Variants in PCDHGA11 observed in about 807,000 individuals in gnomAD.
PCDHGA11 encodes the protein protocadherin gamma-A11.
A neutral mutation model predicts 60.4 loss-of-function variants in PCDHGA11; 39 were observed. The ratio of observed to expected loss-of-function variants is 0.65; its 90% confidence interval spans 0.50 to 0.84. PCDHGA11 has a LOEUF of 0.84. Among genes scored for constraint, PCDHGA11 ranks in the 40% least tolerant of loss-of-function variants. The pLI is 0.00. For missense variants in PCDHGA11, 1,165 were observed against 1,197.7 expected (o/e 0.97, Z 0.40); for synonymous variants, 533 against 510.3 (o/e 1.04, Z -0.60).
intron 1 of PCDHGA11, among the ~76,000 whole-genome samples, chr5:141,488,351 C>G (rs1467834410): frequency 6.6e-6 from 1 of 152,132 alleles, no homozygotes; most frequent in African/African-American, 2.4e-5. Context: ...AAACAGCCAC[C>G]CTGTGCATCT....
chr5:141,494,194 G>A (rs1446357035), intron 1 of PCDHGA11, among the ~76,000 whole-genome samples: 2 of 152,182 alleles, frequency 1.3e-5, no homozygotes, highest in Non-Finnish European at 2.9e-5. Flanking sequence ...GGACTTGGAT[G>A]CCCCGCAAAG....
At position 141,422,201 on chromosome 5, in the gene PCDHGA11, G is replaced by T. The variant is rs764621323; in HGVS notation, c.974G>T (p.Gly325Val). The T allele has an allele frequency of 1.9e-6, 3 of 1,562,386 alleles. No individual in the cohort carries two copies. Among genetic ancestry groups the T allele is most frequent in the Admixed American group, 2.0e-5 (1 of 49,610 alleles). ...GAGATGGAAATTCAAGGCCAAGATGGTGGAGGTCTCTTTACCACCACGACG... is the reference window on the plus strand; with the variant it reads ...GAGATGGAAATTCAAGGCCAAGATGTTGGAGGTCTCTTTACCACCACGACG... ...FYEMEIQGQD[G>V]GGLFTTTTML... The change falls in exon 1 of 4, where the codon GGT becomes GTT. Residue 325 changes from glycine (G) to valine (V), a missense_variant. Transcript: ENST00000398587.
chr5:141,422,942 G>C lies in PCDHGA11; in HGVS notation c.1715G>C (p.Gly572Ala), dbSNP rs199976232. 6.2e-7 allele frequency: 1 copy of C among 1,614,214 alleles called. No homozygotes were observed. The highest frequency in any genetic ancestry group is 2.2e-5 in the East Asian group (1 of 44,876). The change falls in exon 1 of 4, where the codon GGC becomes GCC. Residue 572 changes from glycine (G) to alanine (A), a missense_variant. By Grantham distance (60) the Gly-to-Ala change is moderately conservative. Coordinates refer to ENST00000398587, the MANE Select transcript of PCDHGA11 (RefSeq NM_018914.3). Reference sequence around the variant, plus strand: ...CTGTACCCTGCCCTCCCCACAGACGGCTCCACTGGCGTGGAGCTGGCGCCC... The same window carrying C: ...CTGTACCCTGCCCTCCCCACAGACGCCTCCACTGGCGTGGAGCTGGCGCCC... ...EILYPALPTD[G>A]STGVELAPRS...
In PCDHGA11 at chr5:141,487,819, C is replaced by A; in HGVS notation, c.2434-6988C>A. 2.3e-6 allele frequency: 3 copies of A among 1,285,528 alleles called. No homozygotes were observed. Among genetic ancestry groups the A allele is most frequent in the Non-Finnish European group, 3.2e-6 (3 of 932,998 alleles). 79.6% of individuals were successfully genotyped at this position (1,285,528 alleles called of 1,614,324 possible). On this transcript the variant is annotated intron_variant, in intron 1 of 3. Transcript: ENST00000398587. This position sits in a 1 kb window ranked among gnomAD's most constrained non-coding sequence, Gnocchi z 5.0. ...AGTTGTCACAGTTTAGCATTGGGGG[C>A]GGGTCATGCCTATATCTGAGTAAGA...
rs70988802 is a variant in PCDHGA11 at position 141,450,006 on chromosome 5, C to CTA, written c.2433+26347_2433+26348insAT. ...CACATTGCATTTAGTTGCCATGTCT[C>CTA]TTTTTTTTTTTTTTTTTTGAGACAG... On this transcript the variant is annotated intron_variant, in intron 1 of 3. Coordinates refer to ENST00000398587, the MANE Select transcript of PCDHGA11 (RefSeq NM_018914.3). Among the ~76,000 whole-genome samples the CTA allele has an allele frequency of 6.0e-5, 8 of 132,986 alleles. 1 individual carries two copies. The highest frequency in any genetic ancestry group is 9.5e-5 in the Non-Finnish European group (6 of 62,926). The allele number at this position is 132,986 out of a possible 152,430, so 87.2% of individuals were successfully genotyped here. A position where few individuals can be genotyped will look rare whatever the true frequency, so the allele number is the denominator to read the frequency against.
rs2096651086 is a variant in PCDHGA11 at position 141,422,486 on chromosome 5, A to G, written c.1259A>G (p.Asn420Ser). Reference sequence around the variant, plus strand: ...GACAGGGAGTTGGTCCAGAGCTACAATATAACGTTGACAGCCACAGACCAG... The same window carrying G: ...GACAGGGAGTTGGTCCAGAGCTACAGTATAACGTTGACAGCCACAGACCAG... ...VLDRELVQSYNITLTATDQGS... is the reference protein window; with the variant it reads ...VLDRELVQSYSITLTATDQGS... Residue 420 changes from asparagine (N) to serine (S), a missense_variant, in exon 1 of 4, where the codon AAT becomes AGT. Coordinates refer to ENST00000398587, the MANE Select transcript of PCDHGA11 (RefSeq NM_018914.3). The G allele has an allele frequency of 1.2e-6, 2 of 1,613,852 alleles. No individual in the cohort carries two copies. The highest frequency in any genetic ancestry group is 1.3e-5 in the African/African-American group (1 of 74,924).
At position 141,476,813 on chromosome 5, in the gene PCDHGA11, A is replaced by G. The variant is rs749333814; in HGVS notation, c.2434-17994A>G. The G allele has an allele frequency of 6.8e-6, 11 of 1,613,548 alleles. No individual in the cohort carries two copies. Among genetic ancestry groups the G allele is most frequent in the Non-Finnish European group, 9.3e-6 (11 of 1,180,022 alleles). On this transcript the variant is annotated intron_variant, in intron 1 of 3. Transcript: ENST00000398587. The surrounding 1 kb of genome is among the most constrained non-coding windows in gnomAD (Gnocchi z 7.6). ...CTCCGCCAGCCTGCCTATTCACATC[A>G]AGGTGCTGGACGCGAATGACAATGC...
In PCDHGA11 at chr5:141,422,724, G is replaced by A. The variant is rs560544401; in HGVS notation, c.1497G>A (p.Gly499=). ...CTCTGACGGATGACACTGTCCAGGG[G>A]GTGCCTCTGTCCTCCTATGTCTCTA... ...TYSLTDDTVQ[G]VPLSSYVSIN... The change falls in exon 1 of 4, where the codon GGG becomes GGA. Residue 499 remains glycine, a synonymous_variant. Coordinates refer to ENST00000398587, the MANE Select transcript of PCDHGA11 (RefSeq NM_018914.3). 9 of 1,606,016 alleles carry A rather than the reference G, an allele frequency of 5.6e-6. No individual in the cohort carries two copies. Among genetic ancestry groups the A allele is most frequent in the East Asian group, 2.2e-5 (1 of 44,862 alleles).
At position 141,435,341 on chromosome 5, in the gene PCDHGA11, C is replaced by T. The variant is rs73794903; in HGVS notation, c.2433+11681C>T. 9.3e-3 allele frequency among the ~76,000 whole-genome samples: 1,412 copies of T among 152,206 alleles called. 25 individuals carry two copies. Among genetic ancestry groups the T allele is most frequent in the African/African-American group, 0.032 (1,313 of 41,532 alleles). On this transcript the variant is annotated intron_variant, in intron 1 of 3. Coordinates refer to ENST00000398587, the MANE Select transcript of PCDHGA11 (RefSeq NM_018914.3). ...ACTTCCAAATATAGTGAATTTATTT[C>T]TTCTGCATTTAAAATTTTATCACTT...
At chr5:141,440,115 A>G (rs921555018) in intron 1 of PCDHGA11, 4 of 152,250 alleles carry the variant, frequency 2.6e-5, no homozygotes, top group African/African-American at 4.8e-5. Flanking sequence ...TTACTTGTGA[A>G]TGACTGAATG....
At chr5:141,498,919 C>T (rs897611505) in intron 2 of PCDHGA11, among the ~76,000 whole-genome samples, 34 of 122,310 alleles carry the variant, frequency 2.8e-4, no homozygotes, top group African/African-American at 3.4e-4. Flanking sequence ...GGTGACAGAG[C>T]GAGACTCCAT....
Position 141,433,071 on chromosome 5 carries a change from C to T in PCDHGA11, c.2433+9411C>T, listed in dbSNP as rs2097566106. On this transcript the variant is annotated intron_variant, in intron 1 of 3. Transcript: ENST00000398587. ...TCGCGGAAGAGTCACCTGATCTTCC[C>T]CCAGCCCAACTATGCAGACATGCTC... 2.5e-6 allele frequency: 4 copies of T among 1,614,154 alleles called. No homozygotes were observed. The East Asian group carries it at 8.9e-5, about 36-fold the overall frequency.
chr5:141,497,131 A>G (rs1269110126), intron 2 of PCDHGA11, among the ~76,000 whole-genome samples: 3 of 152,122 alleles, frequency 2.0e-5, no homozygotes, highest in Admixed American at 6.6e-5. Flanking sequence ...GGTTGCAGTG[A>G]GCTGAGATCA....
At chr5:141,467,214 G>A (rs1333148694) in intron 1 of PCDHGA11, among the ~76,000 whole-genome samples, 1 of 151,856 alleles carries the variant, frequency 6.6e-6, no homozygotes, top group Admixed American at 6.6e-5. Context: ...CACCATGCCT[G>A]GCTAATTTTT....
chr5:141,427,881 C>T (rs774499492), intron 1 of PCDHGA11: 6 of 1,563,720 alleles, frequency 3.8e-6, no homozygotes, highest in South Asian at 3.3e-5. Context: ...GATGCAGGCC[C>T]ACGACCAGGG....
At position 141,432,871 on chromosome 5, in the gene PCDHGA11, C is replaced by T. The variant is rs1190891661; in HGVS notation, c.2433+9211C>T. On this transcript the variant is annotated intron_variant, in intron 1 of 3. Transcript: ENST00000398587. This position sits in a 1 kb window ranked among gnomAD's most constrained non-coding sequence, Gnocchi z 6.0. ...CGGTGGCCGCGGTCTCCTGCGTCTT[C>T]CTGGCCTTCGTCATCTTGCTGCTGG... 1 of 1,614,216 alleles carries T rather than the reference C, an allele frequency of 6.2e-7. No homozygotes were observed. Among genetic ancestry groups the T allele is most frequent in the Non-Finnish European group, 8.5e-7 (1 of 1,180,018 alleles).
chr5:141,481,021 GC>G (rs2099529893), intron 1 of PCDHGA11, among the ~76,000 whole-genome samples: 1 of 152,076 alleles, frequency 6.6e-6, no homozygotes, highest in Non-Finnish European at 1.5e-5. Context: ...TCACACCACT[GC>G]ACTCCAGCCT....
In PCDHGA11 at chr5:141,432,695, G is replaced by A. The variant is rs1275179569; in HGVS notation, c.2433+9035G>A. ...GCTCAAGCAGAGCCTCGTAGTGGCC[G>A]TCCAGGACCACGGCCAGCCCCCTCT... On this transcript the variant is annotated intron_variant, in intron 1 of 3. Coordinates refer to ENST00000398587, the MANE Select transcript of PCDHGA11 (RefSeq NM_018914.3). This position sits in a 1 kb window ranked among gnomAD's most constrained non-coding sequence, Gnocchi z 6.0. The A allele has an allele frequency of 3.1e-6, 5 of 1,613,822 alleles. No homozygotes were observed. The highest frequency in any genetic ancestry group is 1.7e-5 in the Admixed American group (1 of 60,002).
chr5:141,455,133 C>G (rs1172825339), intron 1 of PCDHGA11, among the ~76,000 whole-genome samples: 2 of 151,392 alleles, frequency 1.3e-5, no homozygotes, highest in African/African-American at 4.9e-5. Context: ...TTAAATTACA[C>G]TGTGTTAAAT....
Sources: gnomAD v4.1 joint callset for allele counts (sites outside exome capture counted in the v4.1 genomes callset) on GRCh38, gnomAD v4.1.1 for gene constraint, Gnocchi (gnomAD v3.1) non-coding constraint, MANE v1.5 for transcripts, NCBI Gene and HGNC (gene_info 2026-07-23, HGNC 2026-07-21) for gene names.